DNAH17: variants seen among roughly 807,000 people sequenced by gnomAD.
DNAH17 encodes dynein axonemal heavy chain 17.
A neutral mutation model predicts 485.6 loss-of-function variants in DNAH17; 376 were observed. The ratio of observed to expected loss-of-function variants is 0.77; its 90% CI spans 0.71 to 0.84. DNAH17 has a LOEUF of 0.84. Among genes scored for constraint, DNAH17 ranks in the 40% least tolerant of loss-of-function variants. The pLI, the probability that DNAH17 is intolerant of heterozygous loss-of-function variation, is 0.00. For synonymous variants in DNAH17, 3,031 were observed against 2,405.9 expected, an observed-to-expected ratio of 1.26 and a Z score of -7.60; for missense variants, 6,370 against 5,839.3, an observed-to-expected ratio of 1.09 and a Z score of -2.96.
At position 78,423,810 on chromosome 17, in the gene DNAH17, C is replaced by A. The variant is rs1598421556; in HGVS notation, c.*96G>T. On this transcript the variant is annotated 3_prime_UTR_variant, in exon 81 of 81. Transcript: ENST00000389840. The stretch of plus-strand genomic sequence containing the variant: ...GATTATTTAAGAGAACGAAAAACCA[C>A]CACCAGTTCCTGTAAAGAATAAGTC... 15 of 1,473,900 alleles carry A rather than the reference C, an allele frequency of 1.0e-5. No individual in the cohort carries two copies. Among genetic ancestry groups the A allele is most frequent in the Non-Finnish European group, 1.0e-5 (11 of 1,082,236 alleles). The allele number at this position is 1,473,900 out of a possible 1,614,324, so 91.3% of individuals were successfully genotyped here. A position where few individuals can be genotyped will look rare whatever the true frequency, so the allele number is the denominator to read the frequency against.
intron 41 of DNAH17, 136 bp from the exon 42 acceptor site, chr17:78,492,901 G>C (rs2146679098): frequency 1.1e-6 from 1 of 896,256 alleles, no homozygotes; most frequent in Admixed American, 3.7e-5. Context: ...ACCGAGGCTG[G>C]AGTGCAGTGG....
chr17:78,462,102 G>T (rs2146536957), intron 57 of DNAH17, among the ~76,000 whole-genome samples: 1 of 152,208 alleles, frequency 6.6e-6, no homozygotes, highest in African/African-American at 2.4e-5. Flanking sequence ...AGCCCAGGAA[G>T]TCCAGGCTGC....
Position 78,486,468 on chromosome 17 carries a change from G to T in DNAH17, c.6857C>A (p.Ser2286Ter), listed in dbSNP as rs150966368. ...GAGGATCATCAGGTTGGCCTTCTCC[G>T]ACTGCACCTTGCGCCTCTCGATCCA... ...SSWIERRKVQ[S>*]EKANLMILFD... Residue 2286 changes from serine (S) to a stop codon, truncating the protein, a stop_gained, in exon 45 of 81, where the codon TCG becomes TAG. Transcript: ENST00000389840. LOFTEE classifies it high-confidence loss of function. The T allele has an allele frequency of 6.2e-7, 1 of 1,612,928 alleles. No homozygotes were observed. The highest frequency in any genetic ancestry group is 1.1e-5 in the South Asian group (1 of 91,034).
chr17:78,460,494 T>C (rs2088064193), intron 58 of DNAH17, among the ~76,000 whole-genome samples: 1 of 152,270 alleles, frequency 6.6e-6, no homozygotes, highest in Admixed American at 6.5e-5. Context: ...CCAGCAGGTC[T>C]GAGCTCCATA....
intron 11 of DNAH17, among the ~76,000 whole-genome samples, chr17:78,564,862 C>G (rs1413202439): frequency 1.3e-5 from 2 of 152,122 alleles, no homozygotes; most frequent in Non-Finnish European, 2.9e-5. Context: ...AGGGACCAGC[C>G]TGGGGGCATT....
intron 71 of DNAH17, among the ~76,000 whole-genome samples, chr17:78,442,357 C>G (rs559846875): frequency 3.3e-5 from 5 of 152,354 alleles, no homozygotes; most frequent in African/African-American, 1.2e-4. Flanking sequence ...TTTCCCTGCA[C>G]TGGCCTTTGC....
chr17:78,529,083 A>G (rs2091156835), intron 22 of DNAH17, among the ~76,000 whole-genome samples: 1 of 151,922 alleles, frequency 6.6e-6, no homozygotes, highest in Non-Finnish European at 1.5e-5. Context: ...AGCTGAGACT[A>G]CACTAGCCAG....
At chr17:78,460,348 G>GTGTGTGCATGTGTGTGCATGTGTGTGCA (rs1396031125) in intron 58 of DNAH17, 91 bp from the exon 59 acceptor site, 9 of 988,624 alleles carry the variant, frequency 9.1e-6, no homozygotes, top group African/African-American at 3.2e-5. Context: ...GTGTGTGCAT[G>GTGTGTGCATGTGTGTGCATGTGTGTGCA]TGTGTGCATG....
intron 2 of DNAH17, among the ~76,000 whole-genome samples, chr17:78,574,427 TAGG>T (rs1374445228): frequency 6.6e-5 from 10 of 151,250 alleles, no homozygotes; most frequent in Admixed American, 3.9e-4. Context: ...TGGTTGAGCT[TAGG>T]AGGTTGAGGC....
chr17:78,562,294 A>G (rs1281074669), intron 11 of DNAH17, among the ~76,000 whole-genome samples: 1 of 151,894 alleles, frequency 6.6e-6, no homozygotes, highest in African/African-American at 2.4e-5. Context: ...TTAAACAATT[A>G]AAAAATAGGC....
intron 75 of DNAH17, among the ~76,000 whole-genome samples, chr17:78,432,476 C>A (rs1275948031): frequency 6.6e-6 from 1 of 152,258 alleles, no homozygotes; most frequent in Non-Finnish European, 1.5e-5. Flanking sequence ...AGTCCCGGCC[C>A]AGTTCTGCTC....
intron 65 of DNAH17, among the ~76,000 whole-genome samples, 153 bp downstream of exon 65, chr17:78,453,190 G>A (rs1426521983): frequency 1.3e-5 from 2 of 152,196 alleles, no homozygotes; most frequent in African/African-American, 2.4e-5. Flanking sequence ...AGGAGCTGGG[G>A]GTTCCTTCCC....
chr17:78,448,169 T>A, intron 69 of DNAH17, among the ~76,000 whole-genome samples: 1 of 149,846 alleles, frequency 6.7e-6, no homozygotes, highest in South Asian at 2.1e-4. Context: ...GAAAACTCCG[T>A]CTAAAAAACA....
Position 78,475,750 on chromosome 17 carries a change from AG to A in DNAH17, c.8237del (p.Pro2746LeufsTer2). On this transcript the variant is annotated frameshift_variant, in exon 53 of 81. Coordinates refer to ENST00000389840, the MANE Select transcript of DNAH17 (RefSeq NM_173628.4). LOFTEE classifies it high-confidence loss of function. Reference sequence around the variant, plus strand: ...TGTTCAGAGGAGCCATGTCGGTTACAGGAACATATTTGGGATCGCCAATCCC... The same window carrying A: ...TGTTCAGAGGAGCCATGTCGGTTACAGAACATATTTGGGATCGCCAATCCC... ...AQGIGDPKYV[P>X]VTDMAPLNKL... 1 of 1,613,978 alleles carries A rather than the reference AG, an allele frequency of 6.2e-7. No individual in the cohort carries two copies. Among genetic ancestry groups the A allele is most frequent in the Non-Finnish European group, 8.5e-7 (1 of 1,179,884 alleles).
In DNAH17 at chr17:78,476,658, G is replaced by A. The variant is rs2089041094; in HGVS notation, c.8068C>T (p.Arg2690Ter). Residue 2690 changes from arginine (R) to a stop codon, truncating the protein, a stop_gained, in exon 52 of 81, where the codon CGA (arginine) becomes TGA (stop). Coordinates refer to ENST00000389840, the MANE Select transcript of DNAH17 (RefSeq NM_173628.4). LOFTEE classifies it high-confidence loss of function. ...TCAACCATTTTGTCACCATACACTC[G>A]TTCAGTCTCATGTAGCCAAAGGCGG... The part of the protein sequence containing the change: ...LVRLWLHETE[R>*]VYGDKMVDEK... The A allele has an allele frequency of 6.2e-6, 10 of 1,612,750 alleles. No individual in the cohort carries two copies. Among genetic ancestry groups the A allele is most frequent in the Admixed American group, 1.7e-5 (1 of 59,830 alleles).
intron 26 of DNAH17, among the ~76,000 whole-genome samples, chr17:78,514,377 T>C (rs1241985310): frequency 6.6e-6 from 1 of 151,552 alleles, no homozygotes; most frequent in Non-Finnish European, 1.5e-5. Flanking sequence ...TGGTGGTGGG[T>C]GCCTGTGGTC....
At chr17:78,478,005 T>TCATCACCACCATCACCAC (rs2089132566) in intron 51 of DNAH17, among the ~76,000 whole-genome samples, 2 of 90,188 alleles carry the variant, frequency 2.2e-5, no homozygotes, top group Admixed American at 1.1e-4. Flanking sequence ...ACCACCATCA[T>TCATCACCACCATCACCAC]CACCATCATC....
intron 16 of DNAH17, among the ~76,000 whole-genome samples, chr17:78,547,695 G>A (rs1342826649): frequency 6.7e-6 from 1 of 149,270 alleles, no homozygotes; most frequent in East Asian, 2.0e-4. Flanking sequence ...TCAGCTCACT[G>A]CAACCTCCAC....
intron 17 of DNAH17, among the ~76,000 whole-genome samples, chr17:78,540,374 G>A (rs2091492071): frequency 7.0e-6 from 1 of 142,348 alleles, no homozygotes; most frequent in Admixed American, 7.2e-5. Flanking sequence ...GATGAATGGG[G>A]TGGACGGATA....
Sources: gnomAD v4.1 joint callset for allele counts (sites outside exome capture counted in the v4.1 genomes callset) on GRCh38, gnomAD v4.1.1 for gene constraint, MANE v1.5 for transcripts, NCBI Gene and HGNC (gene_info 2026-07-23, HGNC 2026-07-21) for gene names.